The following PDE1A variants were observed in gnomAD, a reference collection of about 807,000 sequenced individuals.
PDE1A encodes dual specificity calcium/calmodulin-dependent 3',5'-cyclic nucleotide phosphodiesterase 1A.
A neutral mutation model predicts 61.7 loss-of-function variants in PDE1A; 35 were observed. The ratio of observed to expected loss-of-function variants is 0.57; its 90% CI spans 0.43 to 0.75. The LOEUF (loss-of-function observed/expected upper bound fraction) is 0.75, where lower values mean the gene tolerates loss of function less well. Among genes scored for constraint, PDE1A ranks in the 30% least tolerant of loss-of-function variants. The pLI, the probability that PDE1A is intolerant of heterozygous loss-of-function variation, is 0.00. For synonymous variants in PDE1A, 232 were observed against 213.2 expected (o/e 1.09, Z -0.77); for missense variants, 597 against 630.6 (o/e 0.95, Z 0.57).
chr2:182,402,212 G>A lies in PDE1A; in HGVS notation c.53+24366C>T, dbSNP rs76260691. 2.6e-4 allele frequency among the ~76,000 whole-genome samples: 39 copies of A among 152,194 alleles called. No homozygotes were observed. The East Asian group carries it at 3.9e-3, about 15-fold the overall frequency. ...ATGGACCCAAAAAACAGCCCGCATA[G>A]CAAAGACAATACTAAGCAAAAAGAA... is the stretch of plus-strand genomic sequence containing the variant. On this transcript the variant is annotated intron_variant, in intron 1 of 13. Transcript: ENST00000351439.
At chr2:182,299,473 G>A (rs1026850506) in intron 1 of PDE1A, among the ~76,000 whole-genome samples, 1 of 146,476 alleles carries the variant, frequency 6.8e-6, no homozygotes, top group Non-Finnish European at 1.5e-5. Context: ...CATCCTAGAT[G>A]AAATGGCAGA....
chr2:182,604,920 T>C, the PDE1A span, among the ~76,000 whole-genome samples: 1 of 151,998 alleles, frequency 6.6e-6, no homozygotes, highest in Non-Finnish European at 1.5e-5. Context: ...ATGAAGAAAA[T>C]AGAAAAGTGA....
chr2:182,398,796 G>A lies in PDE1A; in HGVS notation c.53+27782C>T, dbSNP rs1389231369. Among the ~76,000 whole-genome samples the A allele has an allele frequency of 2.0e-5, 3 of 151,918 alleles. No homozygotes were observed. In the South Asian group the frequency reaches 6.2e-4, roughly 32 times the overall value. ...AATTCATACAAATGGCTTGAATCCT[G>A]TAGATACTTTACTTTTAGAAATCTT... On this transcript the variant is annotated intron_variant, in intron 1 of 13. Transcript: ENST00000351439.
chr2:182,627,349 A>G, the PDE1A span, among the ~76,000 whole-genome samples: 2 of 117,106 alleles, frequency 1.7e-5, no homozygotes, highest in African/African-American at 3.3e-5. Context: ...TATAATATAT[A>G]AAATATAATA....
the PDE1A span, among the ~76,000 whole-genome samples, chr2:182,530,347 AG>A: frequency 5.8e-5 from 4 of 69,210 alleles, no homozygotes; most frequent in Non-Finnish European, 9.0e-5. Flanking sequence ...GATGAAAAGC[AG>A]GGGGGTGGGA....
At chr2:182,700,291 GC>G in the PDE1A span, among the ~76,000 whole-genome samples, 1 of 152,164 alleles carries the variant, frequency 6.6e-6, no homozygotes, top group Non-Finnish European at 1.5e-5. Flanking sequence ...AAATATGTAG[GC>G]CGGGCGCGGT....
At chr2:182,563,921 C>A in the PDE1A span, among the ~76,000 whole-genome samples, 10 of 152,152 alleles carry the variant, frequency 6.6e-5, no homozygotes, top group South Asian at 6.2e-4. Flanking sequence ...ATCTTCCTCC[C>A]TCCTTTTATT....
At chr2:182,663,799 C>G in the PDE1A span, among the ~76,000 whole-genome samples, 1 of 151,750 alleles carries the variant, frequency 6.6e-6, no homozygotes, top group Non-Finnish European at 1.5e-5. Context: ...TATAACAAAC[C>G]TTCACATGTA....
chr2:182,470,852 C>T (rs1294675396), intron 2 of PDE1A, among the ~76,000 whole-genome samples: 2 of 151,736 alleles, frequency 1.3e-5, no homozygotes, highest in Non-Finnish European at 2.9e-5. Flanking sequence ...TAGGCTCAAT[C>T]CAGTGGGAGA....
At chr2:182,678,037 A>T in the PDE1A span, among the ~76,000 whole-genome samples, 1 of 152,160 alleles carries the variant, frequency 6.6e-6, no homozygotes, top group Non-Finnish European at 1.5e-5. Context: ...TACCAGAAGC[A>T]CCCCTTTTAA....
chr2:182,493,985 T>C (rs909802428), intron 2 of PDE1A, among the ~76,000 whole-genome samples: 7 of 152,192 alleles, frequency 4.6e-5, no homozygotes, highest in African/African-American at 1.7e-4. Flanking sequence ...TTTGAAGAAA[T>C]TCCAGATCAT....
chr2:182,599,130 G>A, the PDE1A span, among the ~76,000 whole-genome samples: 7 of 152,164 alleles, frequency 4.6e-5, no homozygotes, highest in African/African-American at 1.7e-4. Context: ...CATGCATCCT[G>A]CACTCTTGGG....
At chr2:182,558,005 T>A in the PDE1A span, among the ~76,000 whole-genome samples, 4 of 152,114 alleles carry the variant, frequency 2.6e-5, no homozygotes, top group African/African-American at 9.6e-5. Context: ...TTTCAAAGTT[T>A]AATTAGTAAG....
intron 13 of PDE1A, among the ~76,000 whole-genome samples, chr2:182,153,257 C>G (rs1690888314): frequency 6.6e-6 from 1 of 152,148 alleles, no homozygotes; most frequent in African/African-American, 2.4e-5. Flanking sequence ...CAGCTGGCTC[C>G]TTGAAAGAGT....
chr2:182,491,063 T>C (rs1574786311), intron 2 of PDE1A, among the ~76,000 whole-genome samples: 1 of 152,208 alleles, frequency 6.6e-6, no homozygotes, highest in East Asian at 1.9e-4. Context: ...AATTGCAGTT[T>C]TCGCCATTAC....
At chr2:182,564,991 G>C in the PDE1A span, among the ~76,000 whole-genome samples, 3 of 152,030 alleles carry the variant, frequency 2.0e-5, no homozygotes, top group Non-Finnish European at 2.9e-5. Context: ...CTTTGCCTTT[G>C]GTTCAAATTT....
At chr2:182,294,108 C>T (rs1259222943) in intron 1 of PDE1A, among the ~76,000 whole-genome samples, 1 of 152,186 alleles carries the variant, frequency 6.6e-6, no homozygotes, top group Non-Finnish European at 1.5e-5. Flanking sequence ...TCACACAAAT[C>T]AGGATGGCAC....
At chr2:182,295,902 T>C (rs1694852557) in intron 1 of PDE1A, among the ~76,000 whole-genome samples, 1 of 151,724 alleles carries the variant, frequency 6.6e-6, no homozygotes, top group Non-Finnish European at 1.5e-5. Flanking sequence ...TATTTGAGCA[T>C]TAGAAAGAAG....
the PDE1A span, among the ~76,000 whole-genome samples, chr2:182,600,343 T>C: frequency 0.2 from 31,085 of 152,118 alleles, 3,397 homozygotes; most frequent in Middle Eastern, 0.33. Context: ...TTATTGTAAG[T>C]TGTTTAGAAA....
Sources: allele counts gnomAD v4.1 joint callset (sites outside exome capture counted in the v4.1 genomes callset), GRCh38; gene constraint gnomAD v4.1.1; transcripts MANE v1.5; gene names NCBI Gene and HGNC (gene_info 2026-07-23, HGNC 2026-07-21).